NOL11: variants seen among roughly 807,000 people sequenced by gnomAD.
NOL11 encodes the protein nucleolar protein 11.
NOL11 carries 42 observed loss-of-function variants against 93.0 expected under a neutral mutation model. That is an observed-to-expected ratio of 0.45 (90% confidence interval 0.35 to 0.58). NOL11 has a LOEUF of 0.58. Among genes scored for constraint, NOL11 ranks in the 20% least tolerant of loss-of-function variants. NOL11 has a pLI of 0.00. For synonymous variants in NOL11, 296 were observed against 293.7 expected, an observed-to-expected ratio of 1.01 and a Z score of -0.08; for missense variants, 775 against 841.8, an observed-to-expected ratio of 0.92 and a Z score of 0.98.
intron 7 of NOL11, among the ~76,000 whole-genome samples, chr17:67,729,966 G>A (rs1204689641): frequency 6.6e-6 from 1 of 151,128 alleles, no homozygotes; most frequent in African/African-American, 2.4e-5. Flanking sequence ...TAGCTCTGAG[G>A]TCTTGCTACG....
At chr17:67,722,882 G>A (rs1273645452) in intron 5 of NOL11, among the ~76,000 whole-genome samples, 1 of 152,106 alleles carries the variant, frequency 6.6e-6, no homozygotes, top group Non-Finnish European at 1.5e-5. Context: ...TAGAGACAGG[G>A]TCTCACTGTA....
At chr17:67,727,805 A>G (rs1188744681) in intron 7 of NOL11, among the ~76,000 whole-genome samples, 1 of 151,760 alleles carries the variant, frequency 6.6e-6, no homozygotes, top group African/African-American at 2.4e-5. Flanking sequence ...GTCTCTACCA[A>G]AAATACAAAA....
intron 1 of NOL11, chr17:67,719,249 A>G (rs1278306870): frequency 6.6e-6 from 1 of 152,094 alleles, no homozygotes; most frequent in Non-Finnish European, 1.5e-5. Flanking sequence ...AAATACAAAA[A>G]TTAGCCGAAC....
intron 7 of NOL11, among the ~76,000 whole-genome samples, chr17:67,729,155 C>T (rs12952469): frequency 0.79 from 119,433 of 151,272 alleles, 48,045 homozygotes; most frequent in Non-Finnish European, 0.87. Context: ...AGTGCAGTGG[C>T]GGGATCTCGG....
chr17:67,735,797 G>T (rs9896019), intron 8 of NOL11, 103 bp from the exon 9 acceptor site: 10 of 760,708 alleles, frequency 1.3e-5, no homozygotes, highest in Admixed American at 3.6e-5. Flanking sequence ...ACTTTGCCTC[G>T]TTTTTAATAC....
intron 9 of NOL11, among the ~76,000 whole-genome samples, chr17:67,736,292 GAAAACAA>G (rs1204052487): frequency 5.5e-5 from 7 of 127,336 alleles, no homozygotes; most frequent in Non-Finnish European, 1.0e-4. Flanking sequence ...ACAGAAAATG[GAAAACAA>G]AAAAAAAAAA....
chr17:67,741,092 C>T lies in NOL11; in HGVS notation c.1935+1484C>T, dbSNP rs1359282499. Among the ~76,000 whole-genome samples, 6 of 151,022 alleles carry T rather than the reference C, an allele frequency of 4.0e-5. No homozygotes were observed. The South Asian group carries it at 1.0e-3, about 26-fold the overall frequency. ...ACAATTTTTTTTTCCTTTTTTGAGA[C>T]GGAGTCTCGCTCTGTCTCCCAGGCT... is the stretch of plus-strand genomic sequence containing the variant. On this transcript the variant is annotated intron_variant, in intron 16 of 17. Coordinates refer to ENST00000253247, the MANE Select transcript of NOL11 (RefSeq NM_015462.5).
chr17:67,742,750 C>G (rs1019103539), intron 16 of NOL11, among the ~76,000 whole-genome samples: 4 of 152,194 alleles, frequency 2.6e-5, no homozygotes, highest in African/African-American at 9.7e-5. Flanking sequence ...TGCATGTTAA[C>G]TACACCACTG....
chr17:67,726,907 A>G (rs1251369503), intron 7 of NOL11: 1 of 294,538 alleles, frequency 3.4e-6, no homozygotes, highest in Non-Finnish European at 6.3e-6. Flanking sequence ...TGGCGAATAT[A>G]CTAGTCACCA....
chr17:67,743,995 A>G lies in NOL11; in HGVS notation c.*136A>G, dbSNP rs2055279144. On this transcript the variant is annotated 3_prime_UTR_variant, in exon 18 of 18. Transcript: ENST00000253247. ...CGTGTCAGTGAGTACCTGGACCATC[A>G]CTTAACTGATGCTCCGGGGTAGGAC... is the stretch of plus-strand genomic sequence containing the variant. The G allele has an allele frequency of 1.2e-5, 6 of 486,904 alleles. No homozygotes were observed. The highest frequency in any genetic ancestry group is 2.2e-5 in the Non-Finnish European group (6 of 276,008). 30.2% of individuals were successfully genotyped at this position (486,904 alleles called of 1,614,324 possible). A position where few individuals can be genotyped will look rare whatever the true frequency, so the allele number is the denominator to read the frequency against.
intron 8 of NOL11, among the ~76,000 whole-genome samples, chr17:67,735,157 C>T (rs1044348813): frequency 6.6e-6 from 1 of 152,136 alleles, no homozygotes; most frequent in Non-Finnish European, 1.5e-5. Context: ...CTTCCTGAGG[C>T]AGGGTTCCTT....
intron 7 of NOL11, among the ~76,000 whole-genome samples, chr17:67,732,258 G>A (rs2143117054): frequency 6.6e-6 from 1 of 152,146 alleles, no homozygotes; most frequent in African/African-American, 2.4e-5. Context: ...AAGGTGGCCG[G>A]ATCACCCAAG....
chr17:67,741,968 C>T (rs1208689350), intron 16 of NOL11, among the ~76,000 whole-genome samples: 1 of 152,188 alleles, frequency 6.6e-6, no homozygotes, highest in East Asian at 1.9e-4. Flanking sequence ...AATTAATGTA[C>T]CTATCAATCC....
At chr17:67,736,925 A>G in intron 10 of NOL11, 146 bp from the exon 11 acceptor site, 1 of 720,926 alleles carries the variant, frequency 1.4e-6, no homozygotes, top group African/African-American at 1.8e-5. Flanking sequence ...GAAATGCCCC[A>G]TGTTGTCTAT....
intron 7 of NOL11, among the ~76,000 whole-genome samples, chr17:67,728,018 T>C (rs1555592838): frequency 6.6e-6 from 1 of 151,656 alleles, no homozygotes; most frequent in Non-Finnish European, 1.5e-5. Context: ...CCCAGCACTT[T>C]GGGAGGCCAA....
intron 14 of NOL11, chr17:67,738,610 T>C (rs1339221269): frequency 4.2e-6 from 2 of 474,514 alleles, no homozygotes; most frequent in Admixed American, 3.8e-5. Flanking sequence ...GGTGGGAGGA[T>C]TGTCTGAGCC....
Position 67,724,057 on chromosome 17 carries a change from T to G in NOL11, c.528T>G (p.Asn176Lys). The G allele has an allele frequency of 6.5e-7, 1 of 1,542,868 alleles. No homozygotes were observed. Among genetic ancestry groups the G allele is most frequent in the Non-Finnish European group, 8.7e-7 (1 of 1,149,930 alleles). The change falls in exon 6 of 18, where the codon AAT becomes AAG. Residue 176 changes from asparagine (N) to lysine (K), a missense_variant. By Grantham distance (94) the Asn-to-Lys change is moderately conservative. Around this residue, in one of 2 missense-constraint regions of NOL11, gnomAD observed 359 missense variants for 316.5 expected, o/e 1.13. Coordinates refer to ENST00000253247, the MANE Select transcript of NOL11 (RefSeq NM_015462.5). ...VLIFITEKHG[N>K]YFAYVQMFNS... ...ACCTTTTTTTTTTGCAGCATGGAAA[T>G]TACTTTGCTTACGTGCAAATGTTTA...
At chr17:67,722,106 C>T (rs902928065) in intron 4 of NOL11, among the ~76,000 whole-genome samples, 1 of 152,158 alleles carries the variant, frequency 6.6e-6, no homozygotes, top group Non-Finnish European at 1.5e-5. Context: ...ATTAGACTGA[C>T]CTGATGAATC....
chr17:67,718,848 ACT>A (rs1197767360), intron 1 of NOL11, among the ~76,000 whole-genome samples: 5 of 152,260 alleles, frequency 3.3e-5, no homozygotes, highest in Middle Eastern at 3.4e-3. Flanking sequence ...GACTCTGCTA[ACT>A]CTATTGGGTT....
Sources: gnomAD v4.1 joint callset for allele counts (sites outside exome capture counted in the v4.1 genomes callset) on GRCh38, gnomAD v4.1.1 for gene constraint, gnomAD v4.1.1 regional missense constraint, MANE v1.5 for transcripts, NCBI Gene and HGNC (gene_info 2026-07-23, HGNC 2026-07-21) for gene names.